The following ARHGAP26 variants were observed in gnomAD, a reference collection of about 807,000 sequenced individuals.
ARHGAP26 encodes rho GTPase-activating protein 26.
A neutral mutation model predicts 104.8 loss-of-function variants in ARHGAP26; 38 were observed. That is an observed-to-expected ratio of 0.36 (90% CI 0.28 to 0.48). ARHGAP26 has a LOEUF of 0.48. Ranked by LOEUF, ARHGAP26 falls within the 20% of genes least tolerant of loss-of-function variation. ARHGAP26 has a pLI of 0.99. For synonymous variants in ARHGAP26, 341 were observed against 340.0 expected, an observed-to-expected ratio of 1.00 and a Z score of -0.03; for missense variants, 704 against 947.9, an observed-to-expected ratio of 0.74 and a Z score of 3.38.
chr5:143,110,787 T>C (rs1478915894), intron 17 of ARHGAP26, among the ~76,000 whole-genome samples: 2 of 152,244 alleles, frequency 1.3e-5, no homozygotes, highest in Non-Finnish European at 2.9e-5. Context: ...TCAGCTTCTC[T>C]GCACGTCTTT....
intron 17 of ARHGAP26, among the ~76,000 whole-genome samples, chr5:143,063,100 G>A (rs968241183): frequency 3.3e-5 from 5 of 152,100 alleles, no homozygotes; most frequent in African/African-American, 9.7e-5. Flanking sequence ...TTGCTTGGCC[G>A]CTGGGCCACT....
At chr5:142,827,029 T>C (rs944815689) in intron 1 of ARHGAP26, among the ~76,000 whole-genome samples, 2 of 152,184 alleles carry the variant, frequency 1.3e-5, no homozygotes, top group Admixed American at 1.3e-4. Flanking sequence ...GCCACTGAGA[T>C]TGTCACTAAG....
At chr5:143,085,437 G>C (rs957497493) in intron 17 of ARHGAP26, among the ~76,000 whole-genome samples, 1 of 152,084 alleles carries the variant, frequency 6.6e-6, no homozygotes, top group African/African-American at 2.4e-5. Context: ...AGGGAAGAGA[G>C]TTCCAGTTAA....
intron 19 of ARHGAP26, among the ~76,000 whole-genome samples, chr5:143,145,730 T>C (rs1799072669): frequency 1.3e-5 from 2 of 152,162 alleles, no homozygotes; most frequent in Admixed American, 6.5e-5. Context: ...TTCAATCTAC[T>C]TTTTCCAAAT....
At chr5:142,971,889 A>G (rs556940426) in intron 11 of ARHGAP26, among the ~76,000 whole-genome samples, 2 of 152,270 alleles carry the variant, frequency 1.3e-5, no homozygotes, top group Admixed American at 1.3e-4. Context: ...GGAGTTTAAG[A>G]TACAGTTGTG....
chr5:142,791,182 G>A (rs1597632892), intron 1 of ARHGAP26, among the ~76,000 whole-genome samples: 1 of 151,594 alleles, frequency 6.6e-6, no homozygotes, highest in Non-Finnish European at 1.5e-5. Flanking sequence ...AGGTTCAAGC[G>A]ATTCTCCTGC....
intron 10 of ARHGAP26, among the ~76,000 whole-genome samples, chr5:142,925,435 G>A (rs1459079706): frequency 2.0e-5 from 3 of 152,144 alleles, no homozygotes; most frequent in Non-Finnish European, 2.9e-5. Flanking sequence ...CCGAGTCTCC[G>A]TAGACATTTG....
chr5:143,105,415 A>AAATT (rs1435345266), intron 17 of ARHGAP26, among the ~76,000 whole-genome samples: 4 of 151,586 alleles, frequency 2.6e-5, no homozygotes, highest in Middle Eastern at 3.4e-3. Context: ...ATAAATAAAT[A>AAATT]AATAAATATA....
chr5:143,072,134 G>A (rs1705601905), intron 17 of ARHGAP26, among the ~76,000 whole-genome samples: 1 of 151,878 alleles, frequency 6.6e-6, no homozygotes, highest in Non-Finnish European at 1.5e-5. Flanking sequence ...CTCAAAAGAA[G>A]ACAGATGGCC....
At chr5:142,946,732 T>G (rs1767165362) in intron 11 of ARHGAP26, 1 of 152,116 alleles carries the variant, frequency 6.6e-6, no homozygotes, top group South Asian at 2.1e-4. Flanking sequence ...TTTTTGAAAA[T>G]GTATCTTTGG....
Position 143,054,061 on chromosome 5 carries a change from G to A in ARHGAP26, c.1286-378G>A, listed in dbSNP as rs546708115. Reference sequence around the variant, plus strand: ...TTGCAAAGAAGAGTGTGTGCTGAACGTTTCTGGGGTCTGTAACTTTTCTCG... The same window carrying A: ...TTGCAAAGAAGAGTGTGTGCTGAACATTTCTGGGGTCTGTAACTTTTCTCG... On this transcript the variant is annotated intron_variant, in intron 14 of 22. Coordinates refer to ENST00000645722, the MANE Select transcript of ARHGAP26 (RefSeq NM_001135608.3). Among the ~76,000 whole-genome samples, 14 of 152,168 alleles carry A rather than the reference G, an allele frequency of 9.2e-5. No individual in the cohort carries two copies. In the South Asian group the frequency reaches 2.7e-3, roughly 29 times the overall value.
chr5:143,126,561 A>C (rs548025721), intron 18 of ARHGAP26, among the ~76,000 whole-genome samples: 2 of 152,326 alleles, frequency 1.3e-5, no homozygotes, highest in African/African-American at 4.8e-5. Context: ...ACTGTTCTAA[A>C]CTTGCAGCTC....
chr5:142,880,667 A>C (rs575969753), intron 4 of ARHGAP26, among the ~76,000 whole-genome samples: 1 of 152,200 alleles, frequency 6.6e-6, no homozygotes, highest in Non-Finnish European at 1.5e-5. Flanking sequence ...CTGTGAGTCA[A>C]TTCAGCTGCG....
rs532793696 is a variant in ARHGAP26, at chr5:143,027,496, A to G, written c.1145-9700A>G. On this transcript the variant is annotated intron_variant, in intron 12 of 22. Transcript: ENST00000645722. The stretch of plus-strand genomic sequence containing the variant: ...ACTGCACCTGGCTGACTTTTTAAAT[A>G]TATACATATACTACTTTTATTATTA... Among the ~76,000 whole-genome samples, 6 of 151,972 alleles carry G rather than the reference A, an allele frequency of 3.9e-5. No individual in the cohort carries two copies. The South Asian group carries it at 1.2e-3, about 32-fold the overall frequency.
At chr5:143,034,109 A>C (rs761213711) in intron 12 of ARHGAP26, among the ~76,000 whole-genome samples, 5 of 152,234 alleles carry the variant, frequency 3.3e-5, no homozygotes, top group Non-Finnish European at 5.9e-5. Flanking sequence ...AAATGTTGGC[A>C]AGGATTAGGA....
chr5:142,970,768 C>T (rs185734503), intron 11 of ARHGAP26, among the ~76,000 whole-genome samples: 69 of 152,248 alleles, frequency 4.5e-4, no homozygotes, highest in Non-Finnish European at 6.3e-4. Context: ...GAAACAAGGA[C>T]CACTACAGCA....
intron 20 of ARHGAP26, among the ~76,000 whole-genome samples, chr5:143,169,301 G>T (rs1046570694): frequency 6.6e-6 from 1 of 152,230 alleles, no homozygotes; most frequent in African/African-American, 2.4e-5. Flanking sequence ...GCCCAAATAA[G>T]TTAGGCTAAA....
intron 9 of ARHGAP26, among the ~76,000 whole-genome samples, chr5:142,911,068 TG>T (rs1460451877): frequency 6.6e-6 from 1 of 152,218 alleles, no homozygotes; most frequent in African/African-American, 2.4e-5. Context: ...GCTTCAGATC[TG>T]GAGTTGTGAG....
At chr5:142,925,125 G>C (rs13169865) in intron 10 of ARHGAP26, among the ~76,000 whole-genome samples, 1 of 152,016 alleles carries the variant, frequency 6.6e-6, no homozygotes, top group African/African-American at 2.4e-5. Flanking sequence ...ATGCCTTCCC[G>C]CATGCCAGCT....
Sources: gnomAD v4.1 joint callset for allele counts (sites outside exome capture counted in the v4.1 genomes callset) on GRCh38, gnomAD v4.1.1 for gene constraint, MANE v1.5 for transcripts, NCBI Gene and HGNC (gene_info 2026-07-23, HGNC 2026-07-21) for gene names.